Variants in MAST2 observed in about 807,000 individuals in gnomAD.
MAST2 encodes microtubule associated serine/threonine kinase 2, also known as microtubule-associated serine/threonine-protein kinase 2.
A neutral mutation model predicts 147.4 loss-of-function variants in MAST2; 70 were observed. That is an observed-to-expected ratio of 0.47 (90% CI 0.39 to 0.58). MAST2 has a LOEUF of 0.58. Among genes scored for constraint, MAST2 ranks in the 20% least tolerant of loss-of-function variants. MAST2 has a pLI of 0.00. For synonymous variants in MAST2, 869 were observed against 896.8 expected, an observed-to-expected ratio of 0.97 and a Z score of 0.55; for missense variants, 2,080 against 2,302.3, an observed-to-expected ratio of 0.90 and a Z score of 1.98.
chr1:46,026,780 T>G (rs1002787131), intron 16 of MAST2, among the ~76,000 whole-genome samples: 2 of 152,072 alleles, frequency 1.3e-5, no homozygotes, highest in Non-Finnish European at 2.9e-5. Flanking sequence ...TGGTGCAGGG[T>G]GATAAGCCTC....
chr1:45,979,277 G>A (rs1201980449), intron 5 of MAST2, among the ~76,000 whole-genome samples: 1 of 152,120 alleles, frequency 6.6e-6, no homozygotes, highest in Non-Finnish European at 1.5e-5. Context: ...GCTGATTCAA[G>A]GTCAACTGAC....
intron 4 of MAST2, among the ~76,000 whole-genome samples, chr1:45,884,602 G>T (rs1052545681): frequency 6.6e-5 from 10 of 152,224 alleles, no homozygotes; most frequent in Admixed American, 6.5e-4. Flanking sequence ...TGGGTAGAGT[G>T]ATCTAAGTTC....
At chr1:46,011,932 C>G (rs1030302585) in intron 10 of MAST2, among the ~76,000 whole-genome samples, 1 of 152,188 alleles carries the variant, frequency 6.6e-6, no homozygotes, top group Non-Finnish European at 1.5e-5. Context: ...GCAGATTGTT[C>G]TTAATACCCC....
chr1:45,971,876 T>A (rs923961153), intron 5 of MAST2, among the ~76,000 whole-genome samples: 3 of 152,210 alleles, frequency 2.0e-5, no homozygotes, highest in Admixed American at 6.5e-5. Context: ...GAATAAACTG[T>A]ATAAATTTTT....
In MAST2 at chr1:45,808,993, C is replaced by T. The variant is rs922274892; in HGVS notation, c.177+4921C>T. 1.1e-4 allele frequency among the ~76,000 whole-genome samples: 16 copies of T among 152,260 alleles called. No homozygotes were observed. The East Asian group carries it at 2.7e-3, about 26-fold the overall frequency. Reference sequence around the variant, plus strand: ...ATACAATATTAAAATTATCTTGTTTCTCTCATTAGTAAGTTCTTTGAGAGT... The same window carrying T: ...ATACAATATTAAAATTATCTTGTTTTTCTCATTAGTAAGTTCTTTGAGAGT... On this transcript the variant is annotated intron_variant, in intron 1 of 28. Transcript: ENST00000361297.
intron 10 of MAST2, 36 bp from the exon 11 acceptor site, chr1:46,019,560 G>C: frequency 1.3e-6 from 2 of 1,566,320 alleles, no homozygotes; most frequent in African/African-American, 1.3e-5. Context: ...AGCCACACTG[G>C]GCCAATAGAT....
At chr1:45,847,301 C>G (rs1645468314) in intron 3 of MAST2, 2 of 503,440 alleles carry the variant, frequency 4.0e-6, no homozygotes, top group Non-Finnish European at 8.0e-6. Context: ...GCCTGTCCTG[C>G]TTGTCCCTGA....
chr1:45,926,436 T>C (rs1473910374), intron 4 of MAST2, among the ~76,000 whole-genome samples: 1 of 119,692 alleles, frequency 8.4e-6, no homozygotes, highest in East Asian at 3.3e-4. Context: ...GCCTACCATA[T>C]GTCCATACTG....
intron 3 of MAST2, among the ~76,000 whole-genome samples, chr1:45,849,619 C>T (rs1052470712): frequency 6.6e-6 from 1 of 151,966 alleles, no homozygotes; most frequent in Non-Finnish European, 1.5e-5. Flanking sequence ...CTCCACCTCC[C>T]AGGTTCACAC....
chr1:45,944,320 T>C (rs1244190331), intron 4 of MAST2, among the ~76,000 whole-genome samples: 1 of 152,228 alleles, frequency 6.6e-6, no homozygotes, highest in Non-Finnish European at 1.5e-5. Context: ...TTAAAGCTAA[T>C]AAAGGGATTT....
Position 46,010,863 on chromosome 1 carries a change from A to G in MAST2, c.1112A>G (p.Asp371Gly), listed in dbSNP as rs893332006. Residue 371 changes from aspartate to glycine, a missense_variant, in exon 10 of 29, where the codon GAT becomes GGT. By Grantham distance (94) the Asp-to-Gly change is moderately conservative (BLOSUM62 -1). Transcript: ENST00000361297. ...ATTGAGATGGCCCGAGACTGCCTGG[A>G]TAAATCTCGGAGTGGCCTCATTACA... ...QVIEMARDCL[D>G]KSRSGLITSQ... is the part of the protein sequence containing the mutation. 22 of 1,614,244 alleles carry G rather than the reference A, an allele frequency of 1.4e-5. No individual in the cohort carries two copies. Among genetic ancestry groups the G allele is most frequent in the Non-Finnish European group, 1.9e-5 (22 of 1,180,040 alleles).
chr1:46,025,965 C>A, intron 16 of MAST2, 150 bp downstream of exon 16: 1 of 889,138 alleles, frequency 1.1e-6, no homozygotes. Flanking sequence ...TTCTCTAGCC[C>A]CCCGACCACC....
intron 4 of MAST2, among the ~76,000 whole-genome samples, chr1:45,945,322 C>T (rs1048589745): frequency 2.0e-5 from 3 of 151,964 alleles, no homozygotes; most frequent in Non-Finnish European, 2.9e-5. Context: ...GTTTTCTGAT[C>T]ATGGCATGTG....
chr1:46,034,727 C>T lies in MAST2; in HGVS notation c.4058C>T (p.Pro1353Leu), dbSNP rs753853610. Residue 1353 changes from proline (P) to leucine (L), a missense_variant, in exon 29 of 29, where the codon CCA (proline) becomes CTA (leucine). Pro to Leu is a moderately conservative substitution (Grantham distance 98). Around this residue, in one of 4 missense-constraint regions of MAST2, gnomAD observed 1,278 missense variants for 1,304.2 expected, o/e 0.98. Transcript: ENST00000361297. ...LSPLAHTPSP[P>L]PPTASPQRSP... ...CCACTGGCCCACACCCCTTCTCCCC[C>T]ACCCCCAACAGCTTCACCTCAGCGG... The T allele has an allele frequency of 3.1e-6, 5 of 1,614,052 alleles. No individual in the cohort carries two copies. The highest frequency in any genetic ancestry group is 4.2e-6 in the Non-Finnish European group (5 of 1,180,042).
At chr1:45,955,057 C>T (rs1298816056) in intron 4 of MAST2, among the ~76,000 whole-genome samples, 1 of 152,218 alleles carries the variant, frequency 6.6e-6, no homozygotes, top group Non-Finnish European at 1.5e-5. Context: ...TTATTGAGAG[C>T]CTACTGTGTG....
At chr1:46,011,676 A>G (rs1240144281) in intron 10 of MAST2, among the ~76,000 whole-genome samples, 2 of 152,208 alleles carry the variant, frequency 1.3e-5, no homozygotes, top group East Asian at 3.8e-4. Context: ...ACATCACTAG[A>G]GAATTTCCCA....
chr1:45,898,849 C>T (rs79029025), intron 4 of MAST2, among the ~76,000 whole-genome samples: 14 of 152,274 alleles, frequency 9.2e-5, no homozygotes, highest in African/African-American at 3.4e-4. Context: ...ACTGAGTTGG[C>T]CACCTCAAGG....
At chr1:45,947,981 G>T (rs924777155) in intron 4 of MAST2, among the ~76,000 whole-genome samples, 3 of 152,214 alleles carry the variant, frequency 2.0e-5, no homozygotes, top group African/African-American at 4.8e-5. Flanking sequence ...TTCCCAAAGT[G>T]CTGGGATTAC....
intron 4 of MAST2, among the ~76,000 whole-genome samples, chr1:45,921,479 A>G (rs996813652): frequency 6.6e-6 from 1 of 152,088 alleles, no homozygotes; most frequent in Non-Finnish European, 1.5e-5. Flanking sequence ...ATGCCTCCAA[A>G]GAGACTGGAG....
Sources: allele counts gnomAD v4.1 joint callset (sites outside exome capture counted in the v4.1 genomes callset), GRCh38; gene constraint gnomAD v4.1.1; regional missense constraint gnomAD v4.1.1; transcripts MANE v1.5; gene names NCBI Gene and HGNC (gene_info 2026-07-23, HGNC 2026-07-21).